Variants in GRAMD1B observed in about 807,000 individuals in gnomAD.
The protein encoded by GRAMD1B is protein Aster-B.
A neutral mutation model predicts 99.7 loss-of-function variants in GRAMD1B; 37 were observed. The observed-to-expected ratio is 0.37, with a 90% CI of 0.29 to 0.49. The LOEUF is 0.49. GRAMD1B is among the 20% of genes least tolerant of loss of function. GRAMD1B has a pLI of 0.98. For missense variants in GRAMD1B, 888 were observed against 1,009.2 expected (o/e 0.88, Z 1.63); for synonymous variants, 427 against 387.6 (o/e 1.10, Z -1.19).
At chr11:123,544,767 C>T (rs532735455) in intron 2 of GRAMD1B, among the ~76,000 whole-genome samples, 11 of 152,344 alleles carry the variant, frequency 7.2e-5, no homozygotes, top group Non-Finnish European at 1.3e-4. Flanking sequence ...CCACCAGGGC[C>T]CCCGGGCCCC....
chr11:123,433,446 A>G (rs1408268586), intron 1 of GRAMD1B, among the ~76,000 whole-genome samples: 2 of 152,222 alleles, frequency 1.3e-5, no homozygotes, highest in South Asian at 4.1e-4. Flanking sequence ...AAAAGAAACT[A>G]AAAGAGACCT....
intron 1 of GRAMD1B, among the ~76,000 whole-genome samples, chr11:123,396,047 G>A (rs1947447309): frequency 6.6e-6 from 1 of 152,090 alleles, no homozygotes; most frequent in South Asian, 2.1e-4. Flanking sequence ...TGAGGCTGGG[G>A]TCGATGAATG....
chr11:123,575,578 T>G (rs2136208121), intron 2 of GRAMD1B, among the ~76,000 whole-genome samples: 1 of 152,238 alleles, frequency 6.6e-6, no homozygotes, highest in African/African-American at 2.4e-5. Context: ...AGTTTAAACC[T>G]TGGAATATGT....
intron 2 of GRAMD1B, among the ~76,000 whole-genome samples, chr11:123,568,215 A>G (rs75936276): frequency 1.4e-4 from 22 of 152,280 alleles, no homozygotes; most frequent in African/African-American, 5.3e-4. Flanking sequence ...TCTACACAGT[A>G]TTTACAGAGA....
At chr11:123,394,245 A>T (rs1947379189) in intron 1 of GRAMD1B, among the ~76,000 whole-genome samples, 1 of 152,124 alleles carries the variant, frequency 6.6e-6, no homozygotes. Flanking sequence ...TATTCTGTCC[A>T]TTTTTTTATA....
chr11:123,444,310 A>T (rs1041963333), intron 1 of GRAMD1B, among the ~76,000 whole-genome samples: 2 of 152,156 alleles, frequency 1.3e-5, no homozygotes, highest in Non-Finnish European at 2.9e-5. Flanking sequence ...TTATTGCAAC[A>T]TAGTCTGTTT....
At chr11:123,497,549 T>C (rs1939423037) in intron 2 of GRAMD1B, among the ~76,000 whole-genome samples, 2 of 152,132 alleles carry the variant, frequency 1.3e-5, no homozygotes, top group South Asian at 4.1e-4. Flanking sequence ...AGATGCTGTC[T>C]TAGAGCCAGG....
intron 6 of GRAMD1B, among the ~76,000 whole-genome samples, 182 bp from the exon 7 acceptor site, chr11:123,595,760 T>C (rs1951199124): frequency 6.6e-6 from 1 of 152,218 alleles, no homozygotes; most frequent in South Asian, 2.1e-4. Flanking sequence ...GTCCCCACTT[T>C]GCTGTCTGCC....
chr11:123,594,286 G>A, intron 5 of GRAMD1B, 120 bp downstream of exon 5: 1 of 731,300 alleles, frequency 1.4e-6, no homozygotes, highest in Non-Finnish European at 2.5e-6. Context: ...AACAGGGAGA[G>A]AGGCTGTCCA....
chr11:123,441,923 A>G (rs772231181), intron 1 of GRAMD1B, among the ~76,000 whole-genome samples: 7 of 152,150 alleles, frequency 4.6e-5, no homozygotes, highest in Admixed American at 1.3e-4. Context: ...TTTATTTGAG[A>G]GACTTTTTTC....
chr11:123,463,555 TCCACCACACGGGCAGAGCTA>T (rs1272695911), intron 1 of GRAMD1B, among the ~76,000 whole-genome samples: 6 of 152,248 alleles, frequency 3.9e-5, no homozygotes, highest in Non-Finnish European at 1.5e-5. Context: ...ACAGGTTCTC[TCCACCACACGGGCAGAGCTA>T]CCGTCTCACT....
At chr11:123,548,353 T>A (rs371200086) in intron 2 of GRAMD1B, among the ~76,000 whole-genome samples, 1 of 120,902 alleles carries the variant, frequency 8.3e-6, no homozygotes. Context: ...CACACACATA[T>A]ATATATATAT....
chr11:123,492,035 C>T lies in GRAMD1B; in HGVS notation c.452+11142C>T, dbSNP rs1938608343. ...CCCATGTTTGGAGATATTGTAGGTC[C>T]CTGCCCAAGAGGGACACTCGGTGAT... On this transcript the variant is annotated intron_variant, in intron 2 of 19. Coordinates refer to ENST00000635736, the MANE Select transcript of GRAMD1B (RefSeq NM_001387025.1). The surrounding 1 kb of genome is among the most constrained non-coding windows in gnomAD (Gnocchi z 4.2). The T allele has an allele frequency of 2.5e-6, 1 of 397,672 alleles. No homozygotes were observed. The allele number at this position is 397,672 out of a possible 1,614,324, so 24.6% of individuals were successfully genotyped here.
At chr11:123,582,548 G>T (rs1949473453) in intron 3 of GRAMD1B, among the ~76,000 whole-genome samples, 1 of 152,106 alleles carries the variant, frequency 6.6e-6, no homozygotes, top group East Asian at 1.9e-4. Context: ...TGGGAGCCTT[G>T]CTACTGGCCT....
rs1392440556 is a variant in GRAMD1B, at chr11:123,577,650, G to A, written c.663+73G>A. 8.7e-6 allele frequency: 10 copies of A among 1,148,822 alleles called. No individual in the cohort carries two copies. The South Asian group carries it at 9.5e-5, about 11-fold the overall frequency. The allele number at this position is 1,148,822 out of a possible 1,614,324, so 71.2% of individuals were successfully genotyped here. On this transcript the variant is annotated intron_variant, in intron 3 of 19. Transcript: ENST00000635736. ...GGAGCGATATTGGGGTGGTGAGCCGGAGAACATCTGCGAGGGTCCTCACGT... is the reference window on the plus strand; with the variant it reads ...GGAGCGATATTGGGGTGGTGAGCCGAAGAACATCTGCGAGGGTCCTCACGT...
chr11:123,614,688 A>C (rs1435766209), intron 16 of GRAMD1B, 57 bp from the exon 17 acceptor site: 2 of 995,808 alleles, frequency 2.0e-6, no homozygotes, highest in Non-Finnish European at 3.2e-6. Flanking sequence ...TGTCCCCACC[A>C]GCAGTTGTTG....
At chr11:123,619,502 T>C in intron 19 of GRAMD1B, 1 of 1,226,428 alleles carries the variant, frequency 8.2e-7, no homozygotes, top group Non-Finnish European at 1.0e-6. Flanking sequence ...TTTTTATTTT[T>C]ATTTTTGGTA....
chr11:123,377,767 A>G (rs2135769319), intron 1 of GRAMD1B, among the ~76,000 whole-genome samples: 1 of 152,338 alleles, frequency 6.6e-6, no homozygotes, highest in East Asian at 1.9e-4. Context: ...TTATTCTTCC[A>G]ATGGAAGACC....
chr11:123,545,106 C>T (rs555907449), intron 2 of GRAMD1B, among the ~76,000 whole-genome samples: 1 of 152,316 alleles, frequency 6.6e-6, no homozygotes, highest in South Asian at 2.1e-4. Context: ...ACAGAATTGC[C>T]TCACAGCCAC....
Sources: allele counts gnomAD v4.1 joint callset (sites outside exome capture counted in the v4.1 genomes callset), GRCh38; gene constraint gnomAD v4.1.1; non-coding constraint Gnocchi (gnomAD v3.1); transcripts MANE v1.5; gene names NCBI Gene and HGNC (gene_info 2026-07-23, HGNC 2026-07-21).